The following CCDC146 variants were observed in gnomAD, a reference collection of about 807,000 sequenced individuals.
CCDC146 encodes the protein coiled-coil domain containing 146, also known as coiled-coil domain-containing protein 146.
Under a neutral mutation model 119.3 loss-of-function variants are expected in CCDC146, and 92 were observed. The observed-to-expected ratio is 0.77, with a 90% CI of 0.65 to 0.92. CCDC146 has a LOEUF of 0.92. Among genes scored for constraint, CCDC146 ranks in the 40% least tolerant of loss-of-function variants. The probability of loss-of-function intolerance (pLI) is 0.00; values close to 1 mark genes in which losing one functional copy is unlikely to be tolerated. For synonymous variants in CCDC146, 372 were observed against 371.8 expected (o/e 1.00, Z -0.01); for missense variants, 1,000 against 1,103.0 (o/e 0.91, Z 1.32).
Position 77,241,278 on chromosome 7 carries a change from C to T in CCDC146, c.240-413C>T, listed in dbSNP as rs547981502. ...TTCACTGTGTTAGCCAGAACGGTTTCGATCTCCTGACCTTGTGATCCGCCT... is the reference window on the plus strand; with the variant it reads ...TTCACTGTGTTAGCCAGAACGGTTTTGATCTCCTGACCTTGTGATCCGCCT... On this transcript the variant is annotated intron_variant, in intron 3 of 18. Transcript: ENST00000285871. Among the ~76,000 whole-genome samples, 25 of 93,996 alleles carry T rather than the reference C, an allele frequency of 2.7e-4. 4 individuals are homozygous for T. The highest frequency in any genetic ancestry group is 1.3e-3 in the East Asian group (5 of 3,944). 61.7% of individuals were successfully genotyped at this position (93,996 alleles called of 152,430 possible).
At chr7:77,270,039 C>T (rs1438684112) in intron 9 of CCDC146, among the ~76,000 whole-genome samples, 1 of 152,146 alleles carries the variant, frequency 6.6e-6, no homozygotes, top group African/African-American at 2.4e-5. Context: ...TTTGATTCTC[C>T]TATGGCGTTT....
intron 1 of CCDC146, among the ~76,000 whole-genome samples, chr7:77,149,256 G>C (rs1791071169): frequency 6.6e-6 from 1 of 152,016 alleles, no homozygotes; most frequent in Admixed American, 6.6e-5. Flanking sequence ...AAATGGTGCT[G>C]GGAAAACTGG....
intron 2 of CCDC146, among the ~76,000 whole-genome samples, chr7:77,229,887 G>T (rs528734464): frequency 2.6e-5 from 4 of 151,386 alleles, no homozygotes; most frequent in Non-Finnish European, 4.4e-5. Flanking sequence ...TATAATCATG[G>T]CATAATTGTA....
At chr7:77,123,209 T>C (rs542057315) in intron 1 of CCDC146, among the ~76,000 whole-genome samples, 1 of 150,056 alleles carries the variant, frequency 6.7e-6, no homozygotes, top group South Asian at 2.1e-4. Context: ...CATTGATCTC[T>C]TTGACTACAA....
At chr7:77,173,133 T>G (rs917743589) in intron 2 of CCDC146, among the ~76,000 whole-genome samples, 4 of 152,038 alleles carry the variant, frequency 2.6e-5, no homozygotes, top group African/African-American at 7.3e-5. Context: ...GGTCAATAGG[T>G]GCAGCAAACC....
intron 2 of CCDC146, among the ~76,000 whole-genome samples, chr7:77,200,760 A>G (rs1791973291): frequency 6.6e-6 from 1 of 152,218 alleles, no homozygotes. Flanking sequence ...TAATGATAAT[A>G]GTTTTCTAAC....
intron 2 of CCDC146, among the ~76,000 whole-genome samples, chr7:77,173,245 C>A (rs1451313500): frequency 6.6e-6 from 1 of 152,040 alleles, no homozygotes; most frequent in Non-Finnish European, 1.5e-5. Flanking sequence ...TCCCCACTGA[C>A]ATTATGATCA....
At chr7:77,272,271 C>A (rs1418747419) in intron 9 of CCDC146, among the ~76,000 whole-genome samples, 1 of 152,102 alleles carries the variant, frequency 6.6e-6, no homozygotes, top group Non-Finnish European at 1.5e-5. Flanking sequence ...TCTCGTTTTC[C>A]TAAGTCCAGT....
intron 1 of CCDC146, among the ~76,000 whole-genome samples, chr7:77,136,071 A>G (rs1790856341): frequency 6.6e-6 from 1 of 152,220 alleles, no homozygotes. Context: ...AACAACAACA[A>G]CAACTAAAAC....
chr7:77,248,661 A>G (rs1255358771), intron 4 of CCDC146, among the ~76,000 whole-genome samples: 2 of 152,260 alleles, frequency 1.3e-5, no homozygotes, highest in East Asian at 3.8e-4. Context: ...GAAAAATGAA[A>G]AATATTTCTC....
intron 2 of CCDC146, among the ~76,000 whole-genome samples, chr7:77,178,421 C>A (rs369754445): frequency 1.3e-5 from 2 of 152,314 alleles, no homozygotes; most frequent in East Asian, 3.9e-4. Flanking sequence ...TCCTGAGCAT[C>A]TACAATATGC....
rs766137962 is a variant in CCDC146 at position 77,236,958 on chromosome 7, G to C, written c.168G>C (p.Met56Ile). The C allele has an allele frequency of 1.9e-6, 3 of 1,613,736 alleles. No homozygotes were observed. The highest frequency in any genetic ancestry group is 2.2e-5 in the South Asian group (2 of 91,058). ...GTTCTCTTTGCTAGTTACATGCTATGGGAAAACTTCCTGGAACCAGAATGG... is the reference window on the plus strand; with the variant it reads ...GTTCTCTTTGCTAGTTACATGCTATCGGAAAACTTCCTGGAACCAGAATGG... ...AFIFLHELHA[M>I]GKLPGTRMAA... is the part of the protein sequence containing the mutation. The change falls in exon 3 of 19, where the codon ATG (methionine) becomes ATC (isoleucine). Residue 56 changes from methionine (M) to isoleucine (I), a missense_variant. By Grantham distance (10) the Met-to-Ile change is conservative (BLOSUM62 1). This residue lies in a region of CCDC146 where 985 missense variants were observed against 1,045.3 expected (regional missense o/e 0.94). Transcript: ENST00000285871.
At chr7:77,268,072 G>A (rs1054897714) in intron 9 of CCDC146, among the ~76,000 whole-genome samples, 5 of 152,270 alleles carry the variant, frequency 3.3e-5, no homozygotes, top group South Asian at 2.1e-4. Context: ...CTTGAGGAAC[G>A]GTTTAAAGAA....
chr7:77,223,151 G>C (rs1030920675), intron 2 of CCDC146, among the ~76,000 whole-genome samples: 2 of 152,164 alleles, frequency 1.3e-5, no homozygotes, highest in Non-Finnish European at 2.9e-5. Context: ...CTCCCCCCAG[G>C]ATCCTTGGAG....
chr7:77,144,277 AT>A lies in CCDC146; in HGVS notation c.-12+21549del, dbSNP rs767503304. 1.9e-3 allele frequency among the ~76,000 whole-genome samples: 282 copies of A among 151,786 alleles called. 1 individual carries two copies. The highest frequency in any genetic ancestry group is 3.7e-3 in the Admixed American group (57 of 15,260). On this transcript the variant is annotated intron_variant, in intron 1 of 18. Transcript: ENST00000285871. The stretch of plus-strand genomic sequence containing the variant: ...TTGCACATTGATTTTGTATCCTGAG[AT>A]TTTGCTGAAGTTGCTTATCAGCTTA...
At chr7:77,192,293 G>A (rs1791782381) in intron 2 of CCDC146, among the ~76,000 whole-genome samples, 1 of 152,282 alleles carries the variant, frequency 6.6e-6, no homozygotes, top group African/African-American at 2.4e-5. Context: ...CTATCAGGCA[G>A]ATTCTATTAC....
chr7:77,200,695 T>C (rs1342212400), intron 2 of CCDC146, among the ~76,000 whole-genome samples: 2 of 152,236 alleles, frequency 1.3e-5, no homozygotes, highest in Non-Finnish European at 2.9e-5. Context: ...ACGCTGGTTC[T>C]TCTACCTGCT....
chr7:77,266,124 AG>A lies in CCDC146; in HGVS notation c.1173+3821del, dbSNP rs1352781138. ...TTTTGCTCTGACACCATCATGTTGT[AG>A]GGGTTAGAATATCATGAGTCTGTGA... On this transcript the variant is annotated intron_variant, in intron 9 of 18. Transcript: ENST00000285871. 3.3e-5 allele frequency among the ~76,000 whole-genome samples: 5 copies of A among 152,350 alleles called. No homozygotes were observed. The South Asian group carries it at 8.3e-4, about 25-fold the overall frequency.
chr7:77,126,017 A>T (rs1790685831), intron 1 of CCDC146, among the ~76,000 whole-genome samples: 1 of 152,116 alleles, frequency 6.6e-6, no homozygotes. Context: ...ATTGAGTTGG[A>T]GTGGCAAAAG....
Sources: gnomAD v4.1 joint callset for allele counts (sites outside exome capture counted in the v4.1 genomes callset) on GRCh38, gnomAD v4.1.1 for gene constraint, gnomAD v4.1.1 regional missense constraint, MANE v1.5 for transcripts, NCBI Gene and HGNC (gene_info 2026-07-23, HGNC 2026-07-21) for gene names.